The following DNAI4 variants were observed in gnomAD, a reference collection of about 807,000 sequenced individuals.
The protein encoded by DNAI4 is dynein axonemal intermediate chain 4, also known as WD repeat domain 78.
DNAI4 carries 85 observed loss-of-function variants against 105.8 expected under a neutral mutation model. The observed-to-expected ratio is 0.80, with a 90% CI of 0.67 to 0.96. The LOEUF (loss-of-function observed/expected upper bound fraction) is 0.96. Ranked by LOEUF, DNAI4 falls within the 40% of genes least tolerant of loss-of-function variation. DNAI4 has a pLI of 0.00. For missense variants in DNAI4, 1,014 were observed against 1,005.6 expected (o/e 1.01, Z -0.11); for synonymous variants, 352 against 331.5 (o/e 1.06, Z -0.67).
intron 7 of DNAI4, among the ~76,000 whole-genome samples, chr1:66,857,963 G>A (rs1646537845): frequency 6.6e-6 from 1 of 151,988 alleles, no homozygotes; most frequent in African/African-American, 2.4e-5. Context: ...ACTCACTCAA[G>A]GAAAAATGGA....
chr1:66,835,731 T>A lies in DNAI4; in HGVS notation c.1628A>T (p.Asp543Val). Residue 543 changes from aspartate (D) to valine (V), a missense_variant, in exon 11 of 17, where the codon GAT becomes GTT. Coordinates refer to ENST00000371026, the MANE Select transcript of DNAI4 (RefSeq NM_024763.5). ...AAGGTTAGGTGCTCCAATTGAAAAA[T>A]CCACAGCAGTAACTCCATATGGACT... ...YQSPYGVTAV[D>V]FSIGAPNLLA... 1 of 1,614,118 alleles carries A rather than the reference T, an allele frequency of 6.2e-7. No individual in the cohort carries two copies. Among genetic ancestry groups the A allele is most frequent in the Non-Finnish European group, 8.5e-7 (1 of 1,179,996 alleles).
chr1:66,863,660 G>A (rs149957878), intron 6 of DNAI4, among the ~76,000 whole-genome samples: 132 of 152,196 alleles, frequency 8.7e-4, no homozygotes, highest in African/African-American at 2.3e-3. Flanking sequence ...GGTTCACCAT[G>A]TTGGCCAGGC....
Position 66,822,341 on chromosome 1 carries a change from T to A in DNAI4, c.2496+20A>T, listed in dbSNP as rs200224665. On this transcript the variant is annotated intron_variant, in intron 16 of 16. Transcript: ENST00000371026. ...ATAGACTAATAAAATGACACAAATT[T>A]TTTTACTCTTGAGTCTTACCCGGCC... is the stretch of plus-strand genomic sequence containing the variant. 4.9e-5 allele frequency: 78 copies of A among 1,576,374 alleles called. No individual in the cohort carries two copies. In the African/African-American group the frequency reaches 9.7e-4, roughly 20 times the overall value.
chr1:66,878,154 C>T (rs1205833138), intron 4 of DNAI4, among the ~76,000 whole-genome samples: 4 of 152,022 alleles, frequency 2.6e-5, no homozygotes. Context: ...TTTTTCTATT[C>T]TCTCCTCTTC....
intron 1 of DNAI4, among the ~76,000 whole-genome samples, chr1:66,913,110 G>GT (rs1649784723): frequency 6.6e-6 from 1 of 152,140 alleles, no homozygotes; most frequent in Non-Finnish European, 1.5e-5. Flanking sequence ...TGGTTTGTTT[G>GT]TTTTTTCTTT....
intron 2 of DNAI4, among the ~76,000 whole-genome samples, chr1:66,896,416 A>T (rs1404945131): frequency 6.6e-6 from 1 of 152,208 alleles, no homozygotes; most frequent in Non-Finnish European, 1.5e-5. Context: ...TAATTTTGGA[A>T]TCTTTTTACA....
intron 6 of DNAI4, among the ~76,000 whole-genome samples, chr1:66,869,394 G>A (rs1018315628): frequency 6.6e-6 from 1 of 151,622 alleles, no homozygotes; most frequent in South Asian, 2.1e-4. Flanking sequence ...GTTACATACA[G>A]TAATCCATTT....
At chr1:66,886,602 G>A (rs1157617517) in intron 4 of DNAI4, among the ~76,000 whole-genome samples, 1 of 152,068 alleles carries the variant, frequency 6.6e-6, no homozygotes, top group South Asian at 2.1e-4. Context: ...CCTATGTCTT[G>A]CAATTCTTTC....
intron 6 of DNAI4, among the ~76,000 whole-genome samples, chr1:66,868,686 C>T (rs1030273767): frequency 2.6e-5 from 4 of 152,006 alleles, no homozygotes; most frequent in African/African-American, 9.7e-5. Flanking sequence ...TTCCTGTGTC[C>T]CCAGTTTGCA....
intron 13 of DNAI4, among the ~76,000 whole-genome samples, chr1:66,828,844 G>GT (rs1265833635): frequency 6.6e-6 from 1 of 152,080 alleles, no homozygotes; most frequent in Non-Finnish European, 1.5e-5. Flanking sequence ...CTTCTGAAAG[G>GT]TTTTTGTGTA....
intron 2 of DNAI4, among the ~76,000 whole-genome samples, chr1:66,901,118 A>G (rs549401870): frequency 2.0e-5 from 3 of 152,058 alleles, no homozygotes; most frequent in African/African-American, 7.2e-5. Context: ...TTTCCCTTCA[A>G]TTTTGTTGAT....
intron 1 of DNAI4, among the ~76,000 whole-genome samples, chr1:66,909,633 T>A (rs1335843976): frequency 6.6e-6 from 1 of 152,110 alleles, no homozygotes; most frequent in Non-Finnish European, 1.5e-5. Flanking sequence ...TTAAAAGTAA[T>A]CTATGTGAAA....
At chr1:66,910,251 T>TAAATA (rs1320082337) in intron 1 of DNAI4, among the ~76,000 whole-genome samples, 2 of 151,990 alleles carry the variant, frequency 1.3e-5, no homozygotes, top group African/African-American at 4.8e-5. Flanking sequence ...AAAATAAAAA[T>TAAATA]AAATAAAATA....
chr1:66,907,494 C>A (rs751055902), intron 1 of DNAI4, among the ~76,000 whole-genome samples: 3 of 152,124 alleles, frequency 2.0e-5, no homozygotes, highest in Non-Finnish European at 4.4e-5. Flanking sequence ...CTTTGAGCTC[C>A]CCTTTTACAG....
chr1:66,856,743 AAAG>A (rs1404481070), intron 7 of DNAI4, among the ~76,000 whole-genome samples: 5 of 152,080 alleles, frequency 3.3e-5, no homozygotes, highest in African/African-American at 9.7e-5. Flanking sequence ...CAAATAGGTC[AAAG>A]AAGAAGTCTC....
chr1:66,867,631 T>G (rs1282340991), intron 6 of DNAI4, among the ~76,000 whole-genome samples: 2 of 152,130 alleles, frequency 1.3e-5, no homozygotes, highest in Admixed American at 6.6e-5. Context: ...TTTAGGAGCA[T>G]TTCTGTGGAG....
chr1:66,906,340 A>C (rs1649246365), intron 1 of DNAI4, among the ~76,000 whole-genome samples: 1 of 152,192 alleles, frequency 6.6e-6, no homozygotes, highest in African/African-American at 2.4e-5. Context: ...TATTCCTTCT[A>C]GTACTCTGTA....
chr1:66,922,419 G>A (rs1258813741), intron 1 of DNAI4, among the ~76,000 whole-genome samples: 2 of 152,220 alleles, frequency 1.3e-5, no homozygotes, highest in Non-Finnish European at 2.9e-5. Context: ...GGGGAATATA[G>A]TGTGTCTGAT....
chr1:66,816,871 A>G (rs184807776), intron 16 of DNAI4, among the ~76,000 whole-genome samples: 1 of 151,984 alleles, frequency 6.6e-6, no homozygotes, highest in Admixed American at 6.6e-5. Flanking sequence ...TCAAATCCAA[A>G]CACAAAAATT....
Sources: gnomAD v4.1 joint callset for allele counts (sites outside exome capture counted in the v4.1 genomes callset) on GRCh38, gnomAD v4.1.1 for gene constraint, MANE v1.5 for transcripts, NCBI Gene and HGNC (gene_info 2026-07-23, HGNC 2026-07-21) for gene names.